The following CSMD3 variants were observed in gnomAD, a reference collection of about 807,000 sequenced individuals.
CSMD3 encodes the protein CUB and Sushi multiple domains 3.
Under a neutral mutation model 435.2 loss-of-function variants are expected in CSMD3, and 177 were observed. The observed-to-expected ratio is 0.41, with a 90% confidence interval of 0.36 to 0.46. The LOEUF (loss-of-function observed/expected upper bound fraction) is 0.46, where lower values mean the gene tolerates loss of function less well. CSMD3 is among the 20% of genes least tolerant of loss of function. The probability of loss-of-function intolerance (pLI) is 0.34; values close to 1 mark genes in which losing one functional copy is unlikely to be tolerated. For synonymous variants in CSMD3, 1,656 were observed against 1,520.5 expected (o/e 1.09, Z -2.07); for missense variants, 4,265 against 4,504.6 (o/e 0.95, Z 1.52).
chr8:112,539,700 C>G (rs1306283485), intron 27 of CSMD3, among the ~76,000 whole-genome samples: 1 of 151,912 alleles, frequency 6.6e-6, no homozygotes, highest in Non-Finnish European at 1.5e-5. Context: ...GATATCCATA[C>G]GTAGAAGAAT....
chr8:112,876,480 C>T (rs959120062), intron 10 of CSMD3, among the ~76,000 whole-genome samples: 1 of 152,118 alleles, frequency 6.6e-6, no homozygotes, highest in Non-Finnish European at 1.5e-5. Flanking sequence ...AAAGCTTATC[C>T]ACCATGATCA....
chr8:112,958,844 T>C (rs937301033), intron 7 of CSMD3, among the ~76,000 whole-genome samples: 1 of 152,122 alleles, frequency 6.6e-6, no homozygotes, highest in African/African-American at 2.4e-5. Flanking sequence ...TGGGATAAAA[T>C]AGATTGGGAA....
intron 6 of CSMD3, among the ~76,000 whole-genome samples, chr8:113,004,982 T>C (rs114313697): frequency 0.022 from 3,343 of 151,874 alleles, 59 homozygotes; most frequent in South Asian, 0.031. Context: ...TTATACATCA[T>C]TATATATATA....
intron 13 of CSMD3, among the ~76,000 whole-genome samples, chr8:112,698,931 C>T (rs938604258): frequency 1.3e-5 from 2 of 152,044 alleles, no homozygotes; most frequent in Admixed American, 1.3e-4. Flanking sequence ...TAAAAACGCA[C>T]CAATCAGCGC....
intron 1 of CSMD3, among the ~76,000 whole-genome samples, chr8:113,337,164 T>C (rs1004174373): frequency 3.3e-5 from 5 of 152,126 alleles, no homozygotes; most frequent in African/African-American, 1.2e-4. Flanking sequence ...ATACTTGAAG[T>C]AAAAGGAAAT....
At chr8:113,176,783 C>T (rs1408000363) in intron 3 of CSMD3, among the ~76,000 whole-genome samples, 5 of 151,546 alleles carry the variant, frequency 3.3e-5, no homozygotes, top group African/African-American at 1.2e-4. Context: ...GGGAAAAGAG[C>T]TAATGCATGC....
chr8:112,780,516 G>A (rs892457227), intron 13 of CSMD3, among the ~76,000 whole-genome samples: 3 of 151,960 alleles, frequency 2.0e-5, no homozygotes, highest in East Asian at 1.9e-4. Context: ...AAAATCAGGT[G>A]AGCAACCACA....
chr8:112,324,761 G>T (rs369665656), intron 45 of CSMD3, among the ~76,000 whole-genome samples: 4 of 151,982 alleles, frequency 2.6e-5, no homozygotes, highest in African/African-American at 9.7e-5. Flanking sequence ...TAAGTTGGAG[G>T]GGAATGTGGT....
At chr8:113,024,587 T>C (rs2086804549) in intron 5 of CSMD3, among the ~76,000 whole-genome samples, 1 of 152,126 alleles carries the variant, frequency 6.6e-6, no homozygotes, top group African/African-American at 2.4e-5. Context: ...TGTAGAAGGG[T>C]ACCTTTTTCT....
At chr8:113,422,376 A>G (rs2094612966) in intron 1 of CSMD3, among the ~76,000 whole-genome samples, 1 of 152,192 alleles carries the variant, frequency 6.6e-6, no homozygotes, top group African/African-American at 2.4e-5. Context: ...TTTTATCTCA[A>G]CATTCTTCTT....
At chr8:113,035,531 T>A (rs1326737567) in intron 5 of CSMD3, among the ~76,000 whole-genome samples, 1 of 151,972 alleles carries the variant, frequency 6.6e-6, no homozygotes, top group African/African-American at 2.4e-5. Context: ...TGAAGCAACT[T>A]TTTGGCATGA....
intron 10 of CSMD3, among the ~76,000 whole-genome samples, chr8:112,868,444 T>A (rs1427285461): frequency 6.6e-6 from 1 of 152,184 alleles, no homozygotes; most frequent in East Asian, 1.9e-4. Flanking sequence ...GCCATACTTT[T>A]ATATGAGTGG....
intron 32 of CSMD3, among the ~76,000 whole-genome samples, chr8:112,450,903 T>C (rs989589952): frequency 9.9e-5 from 15 of 152,276 alleles, no homozygotes; most frequent in Admixed American, 2.6e-4. Flanking sequence ...ACTCCTCTTA[T>C]AGGAATCTAG....
chr8:112,829,859 G>A (rs2079812718), intron 11 of CSMD3, 70 bp from the exon 12 acceptor site: 5 of 779,840 alleles, frequency 6.4e-6, no homozygotes, highest in Admixed American at 1.9e-5. Flanking sequence ...AAAAAGCAAT[G>A]ACAGAAATGC....
chr8:112,810,015 T>C (rs926874997), intron 12 of CSMD3, among the ~76,000 whole-genome samples: 1 of 152,106 alleles, frequency 6.6e-6, no homozygotes, highest in Non-Finnish European at 1.5e-5. Flanking sequence ...CATCTAAAGC[T>C]TTCCAGTGAT....
intron 32 of CSMD3, among the ~76,000 whole-genome samples, chr8:112,415,653 T>C (rs1365449726): frequency 6.6e-6 from 1 of 152,196 alleles, no homozygotes; most frequent in African/African-American, 2.4e-5. Context: ...AGATGCTCAA[T>C]GCCAGTCTAT....
chr8:112,917,426 AACAG>A (rs1431509011), intron 10 of CSMD3, among the ~76,000 whole-genome samples: 1 of 151,964 alleles, frequency 6.6e-6, no homozygotes, highest in Non-Finnish European at 1.5e-5. Context: ...GTCATTCAGG[AACAG>A]GCTAGACATA....
intron 30 of CSMD3, among the ~76,000 whole-genome samples, chr8:112,494,717 G>A (rs950577912): frequency 3.8e-4 from 57 of 151,978 alleles, no homozygotes; most frequent in Non-Finnish European, 2.5e-4. Flanking sequence ...AAAGACTTGC[G>A]ATTTTGGCAT....
chr8:112,940,565 T>C (rs2083422003), intron 9 of CSMD3, among the ~76,000 whole-genome samples: 1 of 151,830 alleles, frequency 6.6e-6, no homozygotes, highest in South Asian at 2.1e-4. Flanking sequence ...GCCAACTTTA[T>C]ATCTCTTTGG....
Sources: allele counts gnomAD v4.1 joint callset (sites outside exome capture counted in the v4.1 genomes callset), GRCh38; gene constraint gnomAD v4.1.1; transcripts MANE v1.5; gene names NCBI Gene and HGNC (gene_info 2026-07-23, HGNC 2026-07-21).